Variants in PC observed in about 807,000 individuals in gnomAD.
PC encodes the protein pyruvate carboxylase.
Under a neutral mutation model 107.8 loss-of-function variants are expected in PC, and 46 were observed. That is an observed-to-expected ratio of 0.43 (90% CI 0.34 to 0.55). The LOEUF is 0.55. Among genes scored for constraint, PC ranks in the 20% least tolerant of loss-of-function variants. The pLI is 0.04. For synonymous variants in PC, 662 were observed against 684.7 expected (o/e 0.97, Z 0.52); for missense variants, 1,241 against 1,643.1 (o/e 0.76, Z 4.23).
intron 3 of PC, among the ~76,000 whole-genome samples, chr11:66,873,520 AT>A (rs1565249456): frequency 9.9e-3 from 18 of 1,814 alleles, no homozygotes; most frequent in South Asian, 0.029. Flanking sequence ...ATATTATATT[AT>A]ATATTATAAT....
intron 3 of PC, among the ~76,000 whole-genome samples, chr11:66,918,743 A>G (rs1011615795): frequency 2.0e-5 from 3 of 152,104 alleles, no homozygotes; most frequent in African/African-American, 7.2e-5. Flanking sequence ...GATAAGAGGC[A>G]GAAGAATAAA....
In PC at chr11:66,866,053, A is replaced by AT; in HGVS notation, c.1185+133dup. On this transcript the variant is annotated intron_variant, in intron 11 of 22. Coordinates refer to ENST00000393960, the MANE Select transcript of PC (RefSeq NM_001040716.2). This position sits in a 1 kb window ranked among gnomAD's most constrained non-coding sequence, Gnocchi z 5.4. ...GGCACTGCCTGCCTCCGTGTACTCT[A>AT]TGTCCACTTCAGAGCCCACATGCGG... 1.0e-6 allele frequency: 1 copy of AT among 985,184 alleles called. No homozygotes were observed. The highest frequency in any genetic ancestry group is 1.5e-6 in the Non-Finnish European group (1 of 659,204). The allele number at this position is 985,184 out of a possible 1,614,324, so 61.0% of individuals were successfully genotyped here.
intron 3 of PC, among the ~76,000 whole-genome samples, chr11:66,903,768 A>AT (rs1313891777): frequency 0.012 from 1,525 of 124,106 alleles, 5 homozygotes; most frequent in Non-Finnish European, 0.019. Flanking sequence ...AAAAAAAAAA[A>AT]AAAAAATATA....
chr11:66,935,201 A>G (rs1948965736), intron 3 of PC, among the ~76,000 whole-genome samples: 1 of 152,212 alleles, frequency 6.6e-6, no homozygotes, highest in African/African-American at 2.4e-5. Context: ...TCCTTAAGCC[A>G]CTCAGTCAAC....
intron 3 of PC, among the ~76,000 whole-genome samples, chr11:66,949,561 G>A (rs894893360): frequency 1.3e-5 from 2 of 151,828 alleles, no homozygotes; most frequent in African/African-American, 2.4e-5. Context: ...GCATGGTGGC[G>A]GGCGCCTGTA....
chr11:66,947,368 G>A (rs1002047134), intron 3 of PC, among the ~76,000 whole-genome samples: 3 of 151,780 alleles, frequency 2.0e-5, no homozygotes, highest in Non-Finnish European at 2.9e-5. Flanking sequence ...AGGATCACAA[G>A]GTCAGGAGAT....
rs1326327385 is a variant in PC at position 66,852,566 on chromosome 11, C to T, written c.1698G>A (p.Met566Ile). Residue 566 changes from methionine to isoleucine, a missense_variant, in exon 15 of 23, where the codon ATG becomes ATA. Physicochemically the swap from Met to Ile is conservative, Grantham distance 10. Around this residue, in one of 2 missense-constraint regions of PC, gnomAD observed 1,143 missense variants for 1,551.9 expected, o/e 0.74. Transcript: ENST00000393960. The surrounding 1 kb of genome is among the most constrained non-coding windows in gnomAD (Gnocchi z 4.7). ...GGTGGGCGTCCCTGAAGGTCGTGTC[C>T]ATCAGCAGCAGCCCCGGGTGGTTCC... Reference protein sequence around the residue: ...AVRNHPGLLLMDTTFRDAHQS... With the variant: ...AVRNHPGLLLIDTTFRDAHQS... 6.2e-7 allele frequency: 1 copy of T among 1,614,054 alleles called. No homozygotes were observed. Among genetic ancestry groups the T allele is most frequent in the Non-Finnish European group, 8.5e-7 (1 of 1,180,034 alleles).
At chr11:66,879,071 C>T (rs996731690) in intron 3 of PC, among the ~76,000 whole-genome samples, 2 of 152,176 alleles carry the variant, frequency 1.3e-5, no homozygotes. Context: ...CTTCCCAACT[C>T]CCTCCCCTCC....
intron 3 of PC, among the ~76,000 whole-genome samples, chr11:66,889,782 G>A (rs921688139): frequency 4.6e-5 from 7 of 152,028 alleles, no homozygotes; most frequent in African/African-American, 7.2e-5. Flanking sequence ...ATACCATTCC[G>A]GGTCCTTTTC....
intron 3 of PC, among the ~76,000 whole-genome samples, chr11:66,887,560 T>C (rs2136000524): frequency 6.6e-6 from 1 of 152,296 alleles, no homozygotes; most frequent in African/African-American, 2.4e-5. Flanking sequence ...TTTGGGACAT[T>C]ACCCAGAAAG....
At chr11:66,897,078 C>T (rs1470535529) in intron 3 of PC, among the ~76,000 whole-genome samples, 9 of 151,982 alleles carry the variant, frequency 5.9e-5, no homozygotes, top group Admixed American at 2.0e-4. Context: ...ATTACAGGCG[C>T]GCACCACCAT....
At chr11:66,949,646 G>A (rs1006714737) in intron 3 of PC, among the ~76,000 whole-genome samples, 8 of 152,062 alleles carry the variant, frequency 5.3e-5, no homozygotes, top group Non-Finnish European at 1.0e-4. Context: ...AGCCGAGATC[G>A]CGACAGAGCG....
At chr11:66,928,398 A>C (rs1366795843) in intron 3 of PC, among the ~76,000 whole-genome samples, 1 of 151,680 alleles carries the variant, frequency 6.6e-6, no homozygotes, top group Non-Finnish European at 1.5e-5. Context: ...AAAAAAAAAA[A>C]AAAACAAGAA....
intron 3 of PC, among the ~76,000 whole-genome samples, chr11:66,943,951 G>A (rs1223244129): frequency 2.9e-5 from 4 of 137,940 alleles, no homozygotes; most frequent in African/African-American, 8.1e-5. Flanking sequence ...CAGCCTGAGT[G>A]ATAATAGCGA....
chr11:66,900,840 T>C (rs904133954), intron 3 of PC, among the ~76,000 whole-genome samples: 1 of 152,246 alleles, frequency 6.6e-6, no homozygotes, highest in African/African-American at 2.4e-5. Flanking sequence ...TGATCTTATG[T>C]CCTGCAACCT....
chr11:66,902,452 A>G (rs1262325897), intron 3 of PC, among the ~76,000 whole-genome samples: 2 of 152,140 alleles, frequency 1.3e-5, no homozygotes, highest in African/African-American at 4.8e-5. Flanking sequence ...TATTATTGTA[A>G]GCATGGAAAG....
At chr11:66,931,666 C>A (rs1948857452) in intron 3 of PC, among the ~76,000 whole-genome samples, 1 of 151,740 alleles carries the variant, frequency 6.6e-6, no homozygotes, top group African/African-American at 2.4e-5. Context: ...TTCCAAGATA[C>A]ACTGATAAAT....
chr11:66,853,527 C>G (rs1030642632), intron 12 of PC, 144 bp from the exon 13 acceptor site: 32 of 940,168 alleles, frequency 3.4e-5, no homozygotes, highest in African/African-American at 4.8e-5. Context: ...GGCACTTCCC[C>G]GTCCCTCAGC....
At chr11:66,861,110 G>A (rs1946231046) in intron 12 of PC, among the ~76,000 whole-genome samples, 2 of 152,186 alleles carry the variant, frequency 1.3e-5, no homozygotes, top group Admixed American at 1.3e-4. Flanking sequence ...GATGTGCTCT[G>A]GGCCTTCCTG....
Sources: allele counts gnomAD v4.1 joint callset (sites outside exome capture counted in the v4.1 genomes callset), GRCh38; gene constraint gnomAD v4.1.1; regional missense constraint gnomAD v4.1.1; non-coding constraint Gnocchi (gnomAD v3.1); transcripts MANE v1.5; gene names NCBI Gene and HGNC (gene_info 2026-07-23, HGNC 2026-07-21).